Variants in ADAMTSL1 observed in about 807,000 individuals in gnomAD.
ADAMTSL1 encodes ADAMTS-like protein 1.
In ADAMTSL1, 126 loss-of-function variants were observed where a neutral mutation model predicts 201.8. That is an observed-to-expected ratio of 0.62 (90% confidence interval 0.54 to 0.72). The LOEUF is 0.72. Among genes scored for constraint, ADAMTSL1 ranks in the 30% least tolerant of loss-of-function variants. The pLI is 0.00. For missense variants in ADAMTSL1, 2,679 were observed against 2,277.8 expected, an observed-to-expected ratio of 1.18 and a Z score of -3.59; for synonymous variants, 1,121 against 903.4, an observed-to-expected ratio of 1.24 and a Z score of -4.32.
chr9:18,206,049 A>G (rs370675681), intron 2 of ADAMTSL1, among the ~76,000 whole-genome samples: 38 of 97,346 alleles, frequency 3.9e-4, no homozygotes, highest in African/African-American at 1.6e-3. Context: ...GTGAGACTCC[A>G]TCTCAAAAAA....
chr9:18,598,376 C>T (rs1824407668), intron 4 of ADAMTSL1, among the ~76,000 whole-genome samples: 8 of 152,182 alleles, frequency 5.3e-5, no homozygotes, highest in Admixed American at 5.2e-4. Context: ...GCTCTTTAAT[C>T]TGAATGAAGT....
chr9:18,536,443 CT>C (rs34201579), intron 3 of ADAMTSL1, among the ~76,000 whole-genome samples: 49,108 of 142,472 alleles, frequency 0.34, 8,231 homozygotes, highest in Admixed American at 0.41. Flanking sequence ...CCCAGTTTCC[CT>C]TTTTTTTTTT....
At chr9:18,094,213 T>C (rs190060432) in intron 1 of ADAMTSL1, among the ~76,000 whole-genome samples, 1 of 152,194 alleles carries the variant, frequency 6.6e-6, no homozygotes, top group Non-Finnish European at 1.5e-5. Flanking sequence ...GTTTCAAGAA[T>C]TTATCTCCAT....
intron 2 of ADAMTSL1, among the ~76,000 whole-genome samples, chr9:18,290,785 T>TGTC (rs1833223797): frequency 1.4e-5 from 1 of 70,922 alleles, no homozygotes; most frequent in African/African-American, 4.4e-5. Context: ...TTGTGTGTTT[T>TGTC]TTTTTTTTTT....
chr9:18,488,532 C>A (rs1159097042), intron 1 of ADAMTSL1, among the ~76,000 whole-genome samples: 1 of 152,138 alleles, frequency 6.6e-6, no homozygotes, highest in Non-Finnish European at 1.5e-5. Context: ...GGATTTCAAC[C>A]CTGGTTCCAC....
At chr9:17,969,696 A>G (rs896068857) in intron 1 of ADAMTSL1, among the ~76,000 whole-genome samples, 4 of 152,090 alleles carry the variant, frequency 2.6e-5, no homozygotes, top group African/African-American at 9.6e-5. Context: ...TGTCTAATCT[A>G]TACATTAAGT....
intron 2 of ADAMTSL1, among the ~76,000 whole-genome samples, chr9:18,165,651 A>G (rs1020417995): frequency 6.6e-6 from 1 of 151,886 alleles, no homozygotes; most frequent in African/African-American, 2.4e-5. Context: ...TCACTCCACA[A>G]AGCTGGAATT....
At chr9:18,229,061 C>T (rs566492533) in intron 2 of ADAMTSL1, among the ~76,000 whole-genome samples, 2 of 152,116 alleles carry the variant, frequency 1.3e-5, no homozygotes, top group East Asian at 1.9e-4. Flanking sequence ...AATTATATAG[C>T]ACCATATTTG....
At chr9:18,204,230 G>T (rs1193437569) in intron 2 of ADAMTSL1, among the ~76,000 whole-genome samples, 1 of 152,120 alleles carries the variant, frequency 6.6e-6, no homozygotes, top group Non-Finnish European at 1.5e-5. Context: ...GGAGAGACCA[G>T]GTGGAGGTAA....
At chr9:18,068,869 C>G (rs1208847634) in intron 1 of ADAMTSL1, among the ~76,000 whole-genome samples, 1 of 152,188 alleles carries the variant, frequency 6.6e-6, no homozygotes, top group African/African-American at 2.4e-5. Flanking sequence ...TGGTATAGTG[C>G]TATACAGCAC....
At chr9:18,537,907 GA>G (rs1819885770) in intron 3 of ADAMTSL1, among the ~76,000 whole-genome samples, 1 of 147,766 alleles carries the variant, frequency 6.8e-6, no homozygotes, top group Non-Finnish European at 1.5e-5. Context: ...GAAAGAAGAA[GA>G]AGAAGAAGAG....
At chr9:18,005,276 G>A (rs577305854) in intron 1 of ADAMTSL1, among the ~76,000 whole-genome samples, 2 of 152,124 alleles carry the variant, frequency 1.3e-5, no homozygotes, top group South Asian at 4.1e-4. Flanking sequence ...CACTTCAAAG[G>A]CCTGCACAGC....
At chr9:18,833,082 A>G (rs1825090979) in intron 23 of ADAMTSL1, among the ~76,000 whole-genome samples, 1 of 152,220 alleles carries the variant, frequency 6.6e-6, no homozygotes, top group Non-Finnish European at 1.5e-5. Flanking sequence ...CCACTGCTAC[A>G]ACTCTCCAAA....
intron 2 of ADAMTSL1, among the ~76,000 whole-genome samples, chr9:18,200,453 G>A (rs539182174): frequency 1.3e-5 from 2 of 152,174 alleles, no homozygotes; most frequent in East Asian, 3.9e-4. Flanking sequence ...TACACATGGT[G>A]TTTAAAAACT....
chr9:18,366,349 G>C (rs1482006295), intron 2 of ADAMTSL1, among the ~76,000 whole-genome samples: 1 of 151,774 alleles, frequency 6.6e-6, no homozygotes, highest in African/African-American at 2.4e-5. Context: ...TCATCTCGGT[G>C]CTACCTCGTG....
At chr9:18,685,073 C>A in intron 13 of ADAMTSL1, 1 of 923,996 alleles carries the variant, frequency 1.1e-6, no homozygotes, top group East Asian at 6.0e-5. Context: ...CTTCTCTGCG[C>A]AAGGGGCCAA....
chr9:18,639,676 C>T (rs1453762943), intron 7 of ADAMTSL1, among the ~76,000 whole-genome samples: 1 of 151,990 alleles, frequency 6.6e-6, no homozygotes, highest in Admixed American at 6.6e-5. Context: ...ACCTAAGAGG[C>T]CAATGTATCA....
At chr9:18,793,437 A>T (rs1053591916) in intron 19 of ADAMTSL1, among the ~76,000 whole-genome samples, 1 of 152,206 alleles carries the variant, frequency 6.6e-6, no homozygotes, top group Non-Finnish European at 1.5e-5. Context: ...AAAGAATTGT[A>T]TAGTGGGAGA....
At chr9:18,711,048 G>A (rs756182222) in intron 14 of ADAMTSL1, among the ~76,000 whole-genome samples, 2 of 152,110 alleles carry the variant, frequency 1.3e-5, no homozygotes, top group African/African-American at 2.4e-5. Context: ...TTATGCATGA[G>A]CAAGGAAGCA....
Sources: allele counts gnomAD v4.1 joint callset (sites outside exome capture counted in the v4.1 genomes callset), GRCh38; gene constraint gnomAD v4.1.1; transcripts MANE v1.5; gene names NCBI Gene and HGNC (gene_info 2026-07-23, HGNC 2026-07-21).